The following SPOPL variants were observed in gnomAD, a reference collection of about 807,000 sequenced individuals.
SPOPL encodes speckle type BTB/POZ protein like.
Under a neutral mutation model 53.8 loss-of-function variants are expected in SPOPL, and 23 were observed. The observed-to-expected ratio is 0.43, with a 90% confidence interval of 0.31 to 0.61. SPOPL has a LOEUF of 0.61. Among genes scored for constraint, SPOPL ranks in the 20% least tolerant of loss-of-function variants. The probability of loss-of-function intolerance (pLI) is 0.12; values close to 1 mark genes in which losing one functional copy is unlikely to be tolerated. For missense variants in SPOPL, 442 were observed against 466.9 expected (o/e 0.95, Z 0.49); for synonymous variants, 164 against 149.7 (o/e 1.10, Z -0.70).
intron 7 of SPOPL, among the ~76,000 whole-genome samples, chr2:138,560,150 C>G (rs1285540010): frequency 6.6e-6 from 1 of 152,126 alleles, no homozygotes; most frequent in Non-Finnish European, 1.5e-5. Flanking sequence ...AGTAAAAAAG[C>G]ACTCTTTGGA....
rs529900325 is a variant in SPOPL at position 138,509,526 on chromosome 2, AT to A, written c.-61+7414del. On this transcript the variant is annotated intron_variant, in intron 1 of 10. Coordinates refer to ENST00000280098, the MANE Select transcript of SPOPL (RefSeq NM_001001664.3). ...TATGTTTTCTGAAGCAAATTTAACA[AT>A]TTTTTTCTTGTGTAAAATAGATTTG... Among the ~76,000 whole-genome samples, 27 of 152,170 alleles carry A rather than the reference AT, an allele frequency of 1.8e-4. 3 individuals are homozygous for A. In the South Asian group the frequency reaches 5.6e-3, roughly 32 times the overall value.
At chr2:138,531,294 T>G (rs921830564) in intron 1 of SPOPL, among the ~76,000 whole-genome samples, 1 of 152,104 alleles carries the variant, frequency 6.6e-6, no homozygotes, top group Non-Finnish European at 1.5e-5. Context: ...TGGAGTTACT[T>G]GAGCTACTGC....
At chr2:138,522,911 C>T (rs1684588466) in intron 1 of SPOPL, among the ~76,000 whole-genome samples, 1 of 152,156 alleles carries the variant, frequency 6.6e-6, no homozygotes. Flanking sequence ...GTAACTAGCC[C>T]CCTTCCTTTT....
rs1457021249 is a variant in SPOPL at position 138,534,809 on chromosome 2, A to G, written c.-60-15348A>G. On this transcript the variant is annotated intron_variant, in intron 1 of 10. Transcript: ENST00000280098. ...TGGCAACTACTAATCTGCTTTTTGT[A>G]TGTATGGATCTGCCCAATATTTAAA... 2.0e-5 allele frequency among the ~76,000 whole-genome samples: 3 copies of G among 152,160 alleles called. No individual in the cohort carries two copies. The East Asian group carries it at 5.8e-4, about 29-fold the overall frequency.
chr2:138,536,346 C>CA lies in SPOPL; in HGVS notation c.-60-13811_-60-13810insA, dbSNP rs1553469729. ...GTGGAGTCTATTTAGTGCCCCCCCC[C>CA]CACACACACACACACGCACACAGTG... is the stretch of plus-strand genomic sequence containing the variant. On this transcript the variant is annotated intron_variant, in intron 1 of 10. Coordinates refer to ENST00000280098, the MANE Select transcript of SPOPL (RefSeq NM_001001664.3). Among the ~76,000 whole-genome samples the CA allele has an allele frequency of 3.7e-3, 556 of 151,304 alleles. 8 individuals are homozygous for CA. The highest frequency in any genetic ancestry group is 0.018 in the East Asian group (93 of 5,150).
intron 5 of SPOPL, among the ~76,000 whole-genome samples, chr2:138,555,207 T>C (rs1427661734): frequency 6.6e-6 from 1 of 151,416 alleles, no homozygotes; most frequent in Non-Finnish European, 1.5e-5. Context: ...ATTGTCTCAG[T>C]AAACACATTA....
chr2:138,510,391 C>G (rs1451808274), intron 1 of SPOPL, among the ~76,000 whole-genome samples: 2 of 152,170 alleles, frequency 1.3e-5, no homozygotes, highest in Non-Finnish European at 2.9e-5. Flanking sequence ...TGGTATTATG[C>G]TGCTGTTGGT....
rs568059092 is a variant in SPOPL at position 138,554,810 on chromosome 2, TAAAATATATATA to T, written c.480+2132_480+2143del. Among the ~76,000 whole-genome samples the T allele has an allele frequency of 1.3e-3, 198 of 152,326 alleles. 1 individual carries two copies. Among genetic ancestry groups the T allele is most frequent in the African/African-American group, 4.6e-3 (190 of 41,574 alleles). ...TATACAGGAAAAATGTATGTACAGA[TAAAATATATATA>T]AACAAGTATTTCATGAGGTTTAACT... On this transcript the variant is annotated intron_variant, in intron 5 of 10. Coordinates refer to ENST00000280098, the MANE Select transcript of SPOPL (RefSeq NM_001001664.3).
At chr2:138,543,294 TG>T (rs1459302786) in intron 1 of SPOPL, among the ~76,000 whole-genome samples, 1 of 152,222 alleles carries the variant, frequency 6.6e-6, no homozygotes, top group African/African-American at 2.4e-5. Flanking sequence ...CTTGCTAGAT[TG>T]GGGAAGTTCT....
chr2:138,557,761 G>C (rs187770071), intron 5 of SPOPL, among the ~76,000 whole-genome samples: 1 of 152,240 alleles, frequency 6.6e-6, no homozygotes, highest in Admixed American at 6.5e-5. Context: ...CATTTACTTT[G>C]AAACATTTAC....
At chr2:138,512,065 A>G (rs117869699) in intron 1 of SPOPL, among the ~76,000 whole-genome samples, 2,135 of 152,332 alleles carry the variant, frequency 0.014, 126 homozygotes, top group Admixed American at 0.095. Context: ...AAATTGGTTA[A>G]TTAAAACAGT....
intron 1 of SPOPL, among the ~76,000 whole-genome samples, chr2:138,534,746 A>G (rs1437004459): frequency 1.3e-5 from 2 of 152,202 alleles, no homozygotes; most frequent in African/African-American, 4.8e-5. Flanking sequence ...AGGAAACTCC[A>G]TAACCAATTA....
At chr2:138,532,420 C>CTTTTTTTTTTTTTTTTTT (rs769229731) in intron 1 of SPOPL, among the ~76,000 whole-genome samples, 1 of 53,222 alleles carries the variant, frequency 1.9e-5, no homozygotes, top group East Asian at 6.1e-4. Context: ...TTTTTGTTCG[C>CTTTTTTTTTTTTTTTTTT]TTTTTTTTTT....
chr2:138,540,529 A>T (rs1685046963), intron 1 of SPOPL, among the ~76,000 whole-genome samples: 1 of 152,098 alleles, frequency 6.6e-6, no homozygotes, highest in African/African-American at 2.4e-5. Flanking sequence ...GAGTTCACTC[A>T]TGATTTGGTT....
At chr2:138,526,828 A>G (rs1392312208) in intron 1 of SPOPL, among the ~76,000 whole-genome samples, 1 of 151,840 alleles carries the variant, frequency 6.6e-6, no homozygotes, top group African/African-American at 2.4e-5. Flanking sequence ...CTGGGTTCAA[A>G]CAATTCTTCT....
At chr2:138,532,230 G>A (rs1429609281) in intron 1 of SPOPL, among the ~76,000 whole-genome samples, 6 of 151,972 alleles carry the variant, frequency 3.9e-5, no homozygotes, top group Non-Finnish European at 8.8e-5. Context: ...TAGCCCCTTG[G>A]ATATCCTGTT....
intron 1 of SPOPL, among the ~76,000 whole-genome samples, chr2:138,514,292 A>G (rs550930898): frequency 6.6e-6 from 1 of 152,296 alleles, no homozygotes; most frequent in Non-Finnish European, 1.5e-5. Context: ...TTGGCCCAGA[A>G]AGGCAGGACA....
intron 1 of SPOPL, among the ~76,000 whole-genome samples, chr2:138,549,198 T>C (rs948908962): frequency 2.0e-5 from 3 of 152,174 alleles, no homozygotes; most frequent in Non-Finnish European, 2.9e-5. Context: ...TTGCTAGATA[T>C]AGTTTGGGGC....
intron 1 of SPOPL, among the ~76,000 whole-genome samples, chr2:138,545,628 A>ATGTG (rs1685177595): frequency 6.6e-6 from 1 of 151,678 alleles, no homozygotes; most frequent in South Asian, 2.1e-4. Flanking sequence ...TTTAGCACAG[A>ATGTG]CAGGGTTTCA....
Sources: allele counts gnomAD v4.1 joint callset (sites outside exome capture counted in the v4.1 genomes callset), GRCh38; gene constraint gnomAD v4.1.1; transcripts MANE v1.5; gene names NCBI Gene and HGNC (gene_info 2026-07-23, HGNC 2026-07-21).